Variants in RPL4 observed in about 807,000 individuals in gnomAD.
The protein encoded by RPL4 is ribosomal protein L4.
A neutral mutation model predicts 47.7 loss-of-function variants in RPL4; 3 were observed. The observed-to-expected ratio is 0.06, with a 90% CI of 0.03 to 0.16. The LOEUF (loss-of-function observed/expected upper bound fraction) is 0.16, where lower values mean the gene tolerates loss of function less well. Ranked by LOEUF, RPL4 falls within the 10% of genes least tolerant of loss-of-function variation. The pLI is 1.00. For missense variants in RPL4, 413 were observed against 551.3 expected (o/e 0.75, Z 2.51); for synonymous variants, 208 against 182.1 (o/e 1.14, Z -1.15).
chr15:66,501,764 T>C, intron 5 of RPL4, 24 bp downstream of exon 5: 2 of 1,606,262 alleles, frequency 1.2e-6, no homozygotes, highest in Non-Finnish European at 1.7e-6. Flanking sequence ...AGTACCAAAC[T>C]GTAAATGTGC....
In RPL4 at chr15:66,500,401, A is replaced by C. The variant is rs371607586; in HGVS notation, c.834-25T>G. On this transcript the variant is annotated intron_variant, in intron 7 of 9. Coordinates refer to ENST00000307961, the MANE Select transcript of RPL4 (RefSeq NM_000968.4). Reference sequence around the variant, plus strand: ...ACTGAAAGGGAAAAGATTGACATGTACATGTAAAAGTAATCAACCAAAGAA... The same window carrying C: ...ACTGAAAGGGAAAAGATTGACATGTCCATGTAAAAGTAATCAACCAAAGAA... The C allele has an allele frequency of 1.1e-4, 179 of 1,600,740 alleles. 1 individual carries two copies. The highest frequency in any genetic ancestry group is 1.4e-4 in the Non-Finnish European group (169 of 1,168,858).
chr15:66,503,200 C>G (rs1158915746), intron 2 of RPL4, 36 bp from the exon 3 acceptor site: 2 of 1,602,566 alleles, frequency 1.2e-6, no homozygotes, highest in African/African-American at 2.7e-5. Flanking sequence ...GTAGCTGCTT[C>G]ATCATACATA....
chr15:66,501,955 T>G, intron 4 of RPL4, 43 bp from the exon 5 acceptor site: 3 of 1,583,014 alleles, frequency 1.9e-6, no homozygotes, highest in Non-Finnish European at 2.6e-6. Flanking sequence ...CCTGAAACTT[T>G]TGGAGAAAAA....
At chr15:66,504,750 G>A (rs1182174300) in intron 1 of RPL4, 38 bp downstream of exon 1, 58 of 1,610,388 alleles carry the variant, frequency 3.6e-5, no homozygotes, top group Non-Finnish European at 4.8e-5. Flanking sequence ...CTGGCCCCGA[G>A]ATACGGGGTA....
At chr15:66,503,283 C>T (rs372401605) in intron 2 of RPL4, 75 bp downstream of exon 2, 615 of 1,594,924 alleles carry the variant, frequency 3.9e-4, no homozygotes, top group Non-Finnish European at 5.1e-4. Context: ...TTCAGAAACA[C>T]GGACCAATGA....
chr15:66,503,650 A>C (rs952008737), intron 1 of RPL4, 121 bp from the exon 2 acceptor site: 2 of 940,470 alleles, frequency 2.1e-6, no homozygotes, highest in South Asian at 3.9e-5. Flanking sequence ...TGAGGCAAAC[A>C]ACCCTTAAAC....
intron 4 of RPL4, 152 bp downstream of exon 4, chr15:66,502,460 C>A: frequency 1.2e-6 from 1 of 805,280 alleles, no homozygotes; most frequent in Non-Finnish European, 1.9e-6. Context: ...ACTGGAATAT[C>A]CATGAACTAA....
intron 3 of RPL4, 28 bp downstream of exon 3, chr15:66,503,030 C>A: frequency 6.3e-7 from 1 of 1,582,362 alleles, no homozygotes; most frequent in Non-Finnish European, 8.7e-7. Context: ...CAGAGATGAC[C>A]AGTCTTAGGT....
At position 66,499,354 on chromosome 15, in the gene RPL4, A is replaced by G; in HGVS notation, c.*53T>C. 4 of 1,559,068 alleles carry G rather than the reference A, an allele frequency of 2.6e-6. No homozygotes were observed. The highest frequency in any genetic ancestry group is 3.4e-6 in the Non-Finnish European group (4 of 1,159,628). Reference sequence around the variant, plus strand: ...GCCTGTATAATCAGGTCTTTATTCAAAAGAAGCTGTCCAAAATGATTTGAC... The same window carrying G: ...GCCTGTATAATCAGGTCTTTATTCAGAAGAAGCTGTCCAAAATGATTTGAC... On this transcript the variant is annotated 3_prime_UTR_variant, in exon 10 of 10. Transcript: ENST00000307961.
In RPL4 at chr15:66,499,264, C is replaced by CA; in HGVS notation, c.*142dup. ...ATGTAACAGTCTAAATTATGGCCAA[C>CA]AAAATGTCACTTTAAAAAAATTCTA... On this transcript the variant is annotated 3_prime_UTR_variant, in exon 10 of 10. Transcript: ENST00000307961. The CA allele has an allele frequency of 2.8e-6, 3 of 1,054,676 alleles. No homozygotes were observed. The South Asian group carries it at 4.7e-5, about 17-fold the overall frequency. 65.3% of individuals were successfully genotyped at this position (1,054,676 alleles called of 1,614,324 possible). A position where few individuals can be genotyped will look rare whatever the true frequency, so the allele number is the denominator to read the frequency against.
intron 6 of RPL4, 46 bp from the exon 7 acceptor site, chr15:66,501,151 G>A: frequency 1.2e-6 from 2 of 1,602,068 alleles, no homozygotes; most frequent in African/African-American, 1.3e-5. Flanking sequence ...TCCAACAAAA[G>A]AAACACAAAT....
In RPL4 at chr15:66,499,311, C is replaced by T. The variant is rs1011371497; in HGVS notation, c.*96G>A. 2 of 1,459,292 alleles carry T rather than the reference C, an allele frequency of 1.4e-6. No individual in the cohort carries two copies. Among genetic ancestry groups the T allele is most frequent in the East Asian group, 2.3e-5 (1 of 44,044 alleles). The allele number at this position is 1,459,292 out of a possible 1,614,324, so 90.4% of individuals were successfully genotyped here. ...TCTAACCAAGCTTTACAGAGCACACCAAGTCATGTTTCTCACTGCCTGTAT... is the reference window on the plus strand; with the variant it reads ...TCTAACCAAGCTTTACAGAGCACACTAAGTCATGTTTCTCACTGCCTGTAT... On this transcript the variant is annotated 3_prime_UTR_variant, in exon 10 of 10. Coordinates refer to ENST00000307961, the MANE Select transcript of RPL4 (RefSeq NM_000968.4).
At chr15:66,502,910 A>G in intron 3 of RPL4, 148 bp downstream of exon 3, 1 of 1,311,688 alleles carries the variant, frequency 7.6e-7, no homozygotes, top group Admixed American at 1.7e-5. Flanking sequence ...ACATCATTGC[A>G]AGCAAAATAA....
intron 4 of RPL4, chr15:66,502,191 C>T: frequency 2.0e-6 from 1 of 506,750 alleles, no homozygotes; most frequent in East Asian, 4.0e-5. Context: ...CCCAGTTACG[C>T]TAGTATTCCC....
In RPL4 at chr15:66,503,124, A is replaced by G. The variant is rs1261817261; in HGVS notation, c.216T>C (p.Ala72=). 1.4e-5 allele frequency: 23 copies of G among 1,614,046 alleles called. No homozygotes were observed. Among genetic ancestry groups the G allele is most frequent in the Non-Finnish European group, 1.9e-5 (23 of 1,180,016 alleles). The change falls in exon 3 of 10, where the codon GCT becomes GCC. Residue 72 remains alanine, a synonymous_variant. Transcript: ENST00000307961. ...CTCGAACTCTGGGAATTCGAGCCAC[A>G]GCTCTGCCAGTACCCCAAGACTCAG... The part of the protein sequence containing the change: ...TSAESWGTGR[A]VARIPRVRGG...
At chr15:66,503,230 C>T in intron 2 of RPL4, 66 bp from the exon 3 acceptor site, 1 of 1,585,626 alleles carries the variant, frequency 6.3e-7, no homozygotes. Context: ...GACTATTATG[C>T]ATGGTAGCAA....
rs773722697 is a variant in RPL4 at position 66,501,742 on chromosome 15, CTG to C, written c.546+44_546+45del. ...ATCTTCTGAAATTCAAAGTGACAAA[CTG>C]TGAACAAGGAGTACCAAACTGTAAA... On this transcript the variant is annotated intron_variant, in intron 5 of 9. Transcript: ENST00000307961. 12 of 1,597,128 alleles carry C rather than the reference CTG, an allele frequency of 7.5e-6. 1 individual carries two copies. In the African/African-American group the frequency reaches 1.5e-4, roughly 20 times the overall value.
In RPL4 at chr15:66,501,502, G is replaced by C; in HGVS notation, c.549C>G (p.Val183=). 1 of 1,614,080 alleles carries C rather than the reference G, an allele frequency of 6.2e-7. No individual in the cohort carries two copies. Among genetic ancestry groups the C allele is most frequent in the Non-Finnish European group, 8.5e-7 (1 of 1,180,016 alleles). Residue 183 remains valine, a splice_region_variant and synonymous_variant, in exon 6 of 10, where the codon GTC becomes GTG. Transcript: ENST00000307961. ...CAGCTCTCATTCGCTGAGAGGCATA[G>C]ACCTACAAAGTGAGCAGTTTTAGTA... The part of the protein sequence containing the change: ...KLKAWNDIKK[V]YASQRMRAGK...
Position 66,500,050 on chromosome 15 carries a change from A to G in RPL4, c.1038+6T>C. ...AAACAAACAAACAAACAAAAACTCCACTCACATTCCTGGCCTGGCGAAGAA... is the reference window on the plus strand; with the variant it reads ...AAACAAACAAACAAACAAAAACTCCGCTCACATTCCTGGCCTGGCGAAGAA... On this transcript the variant is annotated splice_donor_region_variant and intron_variant, in intron 9 of 9. Transcript: ENST00000307961. The G allele has an allele frequency of 6.2e-7, 1 of 1,611,154 alleles. No individual in the cohort carries two copies. Among genetic ancestry groups the G allele is most frequent in the East Asian group, 2.2e-5 (1 of 44,856 alleles).
Sources: gnomAD v4.1 joint callset for allele counts on GRCh38, gnomAD v4.1.1 for gene constraint, MANE v1.5 for transcripts, NCBI Gene and HGNC (gene_info 2026-07-23, HGNC 2026-07-21) for gene names.